Variants in NRXN1 observed in about 807,000 individuals in gnomAD.
NRXN1 encodes neurexin 1.
In NRXN1, 39 loss-of-function variants were observed where a neutral mutation model predicts 150.9. The observed-to-expected ratio is 0.26, with a 90% CI of 0.20 to 0.34. The LOEUF (loss-of-function observed/expected upper bound fraction) is 0.34, where lower values mean the gene tolerates loss of function less well. Among genes scored for constraint, NRXN1 ranks in the 10% least tolerant of loss-of-function variants. NRXN1 has a pLI of 1.00. For missense variants in NRXN1, 1,815 were observed against 1,949.9 expected, an observed-to-expected ratio of 0.93 and a Z score of 1.30; for synonymous variants, 924 against 757.0, an observed-to-expected ratio of 1.22 and a Z score of -3.62.
chr2:50,656,845 T>G (rs1686546866), intron 5 of NRXN1, among the ~76,000 whole-genome samples: 1 of 152,034 alleles, frequency 6.6e-6, no homozygotes, highest in African/African-American at 2.4e-5. Flanking sequence ...TCATTGAAAT[T>G]AATTCACTGG....
At chr2:50,126,079 C>T (rs1256954183) in intron 18 of NRXN1, among the ~76,000 whole-genome samples, 2 of 152,028 alleles carry the variant, frequency 1.3e-5, no homozygotes, top group South Asian at 2.1e-4. Flanking sequence ...GAAATAAAAA[C>T]GTATTTCATC....
chr2:49,933,471 C>T (rs891409137), intron 22 of NRXN1, among the ~76,000 whole-genome samples: 2 of 152,098 alleles, frequency 1.3e-5, no homozygotes, highest in Non-Finnish European at 2.9e-5. Context: ...CTGTCCTTTG[C>T]TGTGGGAGTT....
At chr2:50,301,607 A>T (rs1050983626) in intron 17 of NRXN1, among the ~76,000 whole-genome samples, 4 of 152,174 alleles carry the variant, frequency 2.6e-5, no homozygotes, top group Non-Finnish European at 5.9e-5. Flanking sequence ...ATGGTAAGCA[A>T]TGTCCTGTAG....
At chr2:50,713,795 T>C (rs1259998593) in intron 5 of NRXN1, among the ~76,000 whole-genome samples, 3 of 152,218 alleles carry the variant, frequency 2.0e-5, no homozygotes, top group African/African-American at 7.2e-5. Context: ...GAGGAGTAGT[T>C]TGTAACTAGC....
At chr2:49,982,686 T>C (rs1680174291) in intron 21 of NRXN1, among the ~76,000 whole-genome samples, 1 of 152,192 alleles carries the variant, frequency 6.6e-6, no homozygotes, top group African/African-American at 2.4e-5. Flanking sequence ...ATAATTATTC[T>C]AGTAGCAAAA....
chr2:51,030,847 G>C (rs1349258249), intron 1 of NRXN1, among the ~76,000 whole-genome samples: 1 of 151,832 alleles, frequency 6.6e-6, no homozygotes, highest in Admixed American at 6.6e-5. Flanking sequence ...GTAGTGCTTT[G>C]AACCCTTTCT....
chr2:50,685,253 T>G (rs889855741), intron 5 of NRXN1, among the ~76,000 whole-genome samples: 9 of 152,160 alleles, frequency 5.9e-5, no homozygotes. Flanking sequence ...TGCCATCACA[T>G]AGCAAGATCT....
At chr2:50,515,215 C>T (rs2092594093) in intron 12 of NRXN1, among the ~76,000 whole-genome samples, 1 of 152,158 alleles carries the variant, frequency 6.6e-6, no homozygotes, top group Non-Finnish European at 1.5e-5. Context: ...GTTTCATGCT[C>T]CTTAGGAGAA....
At chr2:50,152,709 T>C (rs2058765810) in intron 18 of NRXN1, among the ~76,000 whole-genome samples, 1 of 151,780 alleles carries the variant, frequency 6.6e-6, no homozygotes, top group Non-Finnish European at 1.5e-5. Context: ...TTATTAAGGA[T>C]GACATGTATG....
At chr2:50,184,390 A>G (rs2060932426) in intron 18 of NRXN1, among the ~76,000 whole-genome samples, 1 of 152,064 alleles carries the variant, frequency 6.6e-6, no homozygotes, top group East Asian at 1.9e-4. Context: ...TTTATTTAAT[A>G]TCAATTTACT....
intron 15 of NRXN1, among the ~76,000 whole-genome samples, chr2:50,493,885 C>G (rs1362971066): frequency 6.6e-6 from 1 of 152,148 alleles, no homozygotes; most frequent in Non-Finnish European, 1.5e-5. Context: ...TACTATATAT[C>G]TTAATACTAT....
chr2:50,165,910 T>A (rs777140661), intron 18 of NRXN1, among the ~76,000 whole-genome samples: 2 of 152,212 alleles, frequency 1.3e-5, no homozygotes, highest in Non-Finnish European at 2.9e-5. Context: ...CTACTTTATG[T>A]CTTGTGTATT....
At chr2:50,946,577 GC>G (rs1262375797) in intron 2 of NRXN1, among the ~76,000 whole-genome samples, 1 of 151,984 alleles carries the variant, frequency 6.6e-6, no homozygotes, top group Non-Finnish European at 1.5e-5. Context: ...CCACATAAGA[GC>G]AAAAACACTC....
At chr2:50,753,311 GAGA>G (rs1381985635) in intron 5 of NRXN1, among the ~76,000 whole-genome samples, 2 of 151,890 alleles carry the variant, frequency 1.3e-5, no homozygotes, top group African/African-American at 4.8e-5. Flanking sequence ...ACATGCACTG[GAGA>G]GGAACAGGTT....
At chr2:50,781,611 T>C (rs1212705596) in intron 5 of NRXN1, among the ~76,000 whole-genome samples, 2 of 152,232 alleles carry the variant, frequency 1.3e-5, no homozygotes, top group Non-Finnish European at 2.9e-5. Context: ...ACGTAGCTTC[T>C]GGTCAAGCTG....
intron 17 of NRXN1, among the ~76,000 whole-genome samples, chr2:50,278,078 T>G (rs1456309463): frequency 1.4e-5 from 2 of 141,514 alleles, no homozygotes; most frequent in Non-Finnish European, 3.1e-5. Context: ...TTTTTTTTTT[T>G]TTTTTTTTGA....
At chr2:51,016,319 C>A (rs1369980815) in intron 2 of NRXN1, among the ~76,000 whole-genome samples, 1 of 152,098 alleles carries the variant, frequency 6.6e-6, no homozygotes, top group Admixed American at 6.5e-5. Flanking sequence ...GAGTGACAGG[C>A]AACCTGCAGA....
intron 5 of NRXN1, chr2:50,631,233 C>G: frequency 2.6e-6 from 1 of 386,298 alleles, no homozygotes; most frequent in Non-Finnish European, 5.0e-6. Context: ...AGCGAGTAAT[C>G]AAGATTTATA....
At chr2:50,742,023 AC>A (rs1419721992) in intron 5 of NRXN1, among the ~76,000 whole-genome samples, 1 of 152,164 alleles carries the variant, frequency 6.6e-6, no homozygotes, top group Non-Finnish European at 1.5e-5. Flanking sequence ...ATAACTCACA[AC>A]CACAAAAAAT....
Sources: allele counts gnomAD v4.1 joint callset (sites outside exome capture counted in the v4.1 genomes callset), GRCh38; gene constraint gnomAD v4.1.1; transcripts MANE v1.5; gene names NCBI Gene and HGNC (gene_info 2026-07-23, HGNC 2026-07-21).